The following ADGRD1 variants were observed in gnomAD, a reference collection of about 807,000 sequenced individuals.
ADGRD1 encodes the protein G-protein coupled receptor 133.
ADGRD1 carries 77 observed loss-of-function variants against 113.4 expected under a neutral mutation model. The observed-to-expected ratio is 0.68, with a 90% CI of 0.57 to 0.82. The LOEUF is 0.82. Ranked by LOEUF, ADGRD1 falls within the 40% of genes least tolerant of loss-of-function variation. The pLI is 0.00. For missense variants in ADGRD1, 1,036 were observed against 1,139.1 expected (o/e 0.91, Z 1.30); for synonymous variants, 474 against 475.0 (o/e 1.00, Z 0.03).
chr12:131,103,143 C>T (rs1259761015), intron 15 of ADGRD1, among the ~76,000 whole-genome samples: 2 of 152,246 alleles, frequency 1.3e-5, no homozygotes, highest in Non-Finnish European at 2.9e-5. Flanking sequence ...GTGCGCAGGT[C>T]CTTGCCTGCT....
rs984322643 is a variant in ADGRD1 at position 130,984,013 on chromosome 12, G to T, written c.490+1950G>T. The stretch of plus-strand genomic sequence containing the variant: ...GTTGATGGAGGTTCCTGAATGAGCA[G>T]GGAGGTTGGTCTTCCCTCTACCAAC... On this transcript the variant is annotated intron_variant, in intron 5 of 24. Transcript: ENST00000261654. The surrounding 1 kb of genome is among the most constrained non-coding windows in gnomAD (Gnocchi z 4.1). 1.3e-5 allele frequency among the ~76,000 whole-genome samples: 2 copies of T among 152,174 alleles called. No homozygotes were observed. Among genetic ancestry groups the T allele is most frequent in the South Asian group, 4.1e-4 (2 of 4,826 alleles).
intron 15 of ADGRD1, among the ~76,000 whole-genome samples, chr12:131,086,454 C>G (rs151259673): frequency 8.8e-4 from 134 of 152,334 alleles, no homozygotes; most frequent in African/African-American, 3.1e-3. Context: ...CCAGGCGCCC[C>G]TCGCTCCCTA....
intron 8 of ADGRD1, among the ~76,000 whole-genome samples, chr12:130,999,867 TTTCA>T: frequency 6.6e-6 from 1 of 152,344 alleles, no homozygotes; most frequent in Admixed American, 6.5e-5. Context: ...TAGAAATTAA[TTTCA>T]TTGTTTCCTT....
chr12:131,076,012 T>A (rs1440387409), intron 13 of ADGRD1, among the ~76,000 whole-genome samples: 1 of 152,150 alleles, frequency 6.6e-6, no homozygotes, highest in African/African-American at 2.4e-5. Flanking sequence ...CAACTATGGC[T>A]CCTGAAGGTG....
At chr12:131,088,788 C>T (rs1212578265) in intron 15 of ADGRD1, among the ~76,000 whole-genome samples, 3 of 152,184 alleles carry the variant, frequency 2.0e-5, no homozygotes, top group Non-Finnish European at 2.9e-5. Flanking sequence ...AGGGTTGCCC[C>T]ATCTTCGACT....
At chr12:130,957,651 T>G (rs1192575167) in intron 2 of ADGRD1, 22 of 152,288 alleles carry the variant, frequency 1.4e-4, no homozygotes, top group Admixed American at 1.4e-3. Context: ...ACTCAGTCTT[T>G]GTTCCATATA....
intron 13 of ADGRD1, among the ~76,000 whole-genome samples, chr12:131,056,291 A>G (rs1883853873): frequency 6.6e-6 from 1 of 152,252 alleles, no homozygotes; most frequent in Non-Finnish European, 1.5e-5. Flanking sequence ...TGCCGGCTAT[A>G]GGGGAAAATC....
chr12:130,997,282 G>A (rs1385296520), intron 8 of ADGRD1, among the ~76,000 whole-genome samples: 5 of 149,526 alleles, frequency 3.3e-5, no homozygotes, highest in African/African-American at 9.9e-5. Context: ...CCTCCCGGAC[G>A]GGGCAGCTGG....
At chr12:131,094,809 C>A (rs1179430422) in intron 15 of ADGRD1, among the ~76,000 whole-genome samples, 1 of 152,236 alleles carries the variant, frequency 6.6e-6, no homozygotes, top group Non-Finnish European at 1.5e-5. Context: ...TCCAGGTGCA[C>A]GGGTGCACGC....
At chr12:130,980,112 T>C (rs1238205262) in intron 4 of ADGRD1, among the ~76,000 whole-genome samples, 3 of 151,192 alleles carry the variant, frequency 2.0e-5, no homozygotes, top group Admixed American at 2.0e-4. Context: ...GGTTCCTCTT[T>C]TTTTTTTTTT....
At chr12:131,117,023 G>A (rs955061616) in intron 18 of ADGRD1, among the ~76,000 whole-genome samples, 4 of 152,208 alleles carry the variant, frequency 2.6e-5, no homozygotes, top group East Asian at 1.9e-4. Flanking sequence ...GTTGCAATGC[G>A]ATCTTCCTTT....
intron 11 of ADGRD1, 86 bp from the exon 12 acceptor site, chr12:131,005,886 C>G: frequency 9.9e-7 from 1 of 1,009,584 alleles, no homozygotes. Context: ...GGGGCAGCAC[C>G]ATGCATGGCG....
chr12:131,119,365 A>G (rs796528875), intron 19 of ADGRD1, among the ~76,000 whole-genome samples: 2 of 152,238 alleles, frequency 1.3e-5, no homozygotes, highest in African/African-American at 4.8e-5. Context: ...ATGGTTACGC[A>G]GACCACTGTT....
In ADGRD1 at chr12:131,139,158, T is replaced by C. The variant is rs754918952; in HGVS notation, c.2530-10T>C. The stretch of plus-strand genomic sequence containing the variant: ...AGGCCCTTCACTGCTCATCCCTTTA[T>C]GCTTTGCAGATGAATGGGACCCGGC... On this transcript the variant is annotated splice_polypyrimidine_tract_variant and intron_variant, in intron 24 of 24. Transcript: ENST00000261654. The C allele has an allele frequency of 3.1e-6, 5 of 1,610,320 alleles. No homozygotes were observed. In the Admixed American group the frequency reaches 8.3e-5, roughly 27 times the overall value.
Position 130,966,419 on chromosome 12 carries a change from C to T in ADGRD1, c.104-44C>T. Reference sequence around the variant, plus strand: ...AGCGGTTCTTACCCTCTGGTTCTTTCCTCTCTAATGATGATTTAAAATTTT... The same window carrying T: ...AGCGGTTCTTACCCTCTGGTTCTTTTCTCTCTAATGATGATTTAAAATTTT... On this transcript the variant is annotated intron_variant, in intron 2 of 24. Transcript: ENST00000261654. The surrounding 1 kb of genome is among the most constrained non-coding windows in gnomAD (Gnocchi z 4.6). 7.8e-7 allele frequency: 1 copy of T among 1,280,472 alleles called. No homozygotes were observed. Among genetic ancestry groups the T allele is most frequent in the Non-Finnish European group, 1.1e-6 (1 of 876,624 alleles). The allele number at this position is 1,280,472 out of a possible 1,614,324, so 79.3% of individuals were successfully genotyped here.
intron 4 of ADGRD1, chr12:130,981,169 A>G (rs901649373): frequency 6.6e-6 from 1 of 152,286 alleles, no homozygotes; most frequent in Non-Finnish European, 1.5e-5. Context: ...AGTCTGAGAT[A>G]TGCAAAAGAA....
chr12:131,039,234 A>G (rs1881866836), intron 13 of ADGRD1, among the ~76,000 whole-genome samples: 1 of 123,178 alleles, frequency 8.1e-6, no homozygotes, highest in Non-Finnish European at 1.9e-5. Flanking sequence ...GTGCTCCTCC[A>G]GCCACTGCCC....
At chr12:131,070,785 T>A (rs1410556385) in intron 13 of ADGRD1, 13 of 518,442 alleles carry the variant, frequency 2.5e-5, no homozygotes, top group Middle Eastern at 3.2e-4. Flanking sequence ...CTGATTGGAC[T>A]GTGGAGTACA....
At chr12:131,017,466 C>T (rs1412111510) in intron 13 of ADGRD1, among the ~76,000 whole-genome samples, 1 of 151,242 alleles carries the variant, frequency 6.6e-6, no homozygotes, top group Non-Finnish European at 1.5e-5. Context: ...CACAGACACA[C>T]ACACACCCAG....
Sources: allele counts gnomAD v4.1 joint callset (sites outside exome capture counted in the v4.1 genomes callset), GRCh38; gene constraint gnomAD v4.1.1; non-coding constraint Gnocchi (gnomAD v3.1); transcripts MANE v1.5; gene names NCBI Gene and HGNC (gene_info 2026-07-23, HGNC 2026-07-21).